CREB5: variants seen among roughly 807,000 people sequenced by gnomAD.
The protein encoded by CREB5 is cAMP responsive element binding protein 5, also known as cyclic AMP-responsive element-binding protein 5.
CREB5 carries 19 observed loss-of-function variants against 57.1 expected under a neutral mutation model. The ratio of observed to expected loss-of-function variants is 0.33; its 90% CI spans 0.23 to 0.49. CREB5 has a LOEUF of 0.49. Among genes scored for constraint, CREB5 ranks in the 20% least tolerant of loss-of-function variants. The pLI is 0.99. For synonymous variants in CREB5, 238 were observed against 238.3 expected (o/e 1.00, Z 0.01); for missense variants, 579 against 671.6 (o/e 0.86, Z 1.52).
chr7:28,527,458 G>A (rs558906851), intron 4 of CREB5, among the ~76,000 whole-genome samples: 1 of 152,252 alleles, frequency 6.6e-6, no homozygotes, highest in East Asian at 1.9e-4. Context: ...CCAGCCTGTG[G>A]CAAGTTCCCA....
chr7:28,722,833 G>A (rs1268895428), intron 6 of CREB5, among the ~76,000 whole-genome samples: 1 of 152,182 alleles, frequency 6.6e-6, no homozygotes, highest in Non-Finnish European at 1.5e-5. Flanking sequence ...GTCACAGGGA[G>A]TAGCCACCAG....
chr7:28,603,946 C>A (rs1335268966), intron 5 of CREB5, among the ~76,000 whole-genome samples: 1 of 152,104 alleles, frequency 6.6e-6, no homozygotes, highest in Non-Finnish European at 1.5e-5. Context: ...AAGGGCAGTG[C>A]TTATGTAAGA....
At chr7:28,642,993 C>CACACACACACACAT (rs1798736939) in intron 5 of CREB5, among the ~76,000 whole-genome samples, 4 of 101,694 alleles carry the variant, frequency 3.9e-5, no homozygotes, top group Non-Finnish European at 8.3e-5. Flanking sequence ...CACATACACA[C>CACACACACACACAT]ACACACACAC....
At chr7:28,410,254 A>C (rs1194395887), upstream of CREB5, 2 of 454,972 alleles carry the variant, frequency 4.4e-6, no homozygotes, top group Admixed American at 4.7e-5. Flanking sequence ...GCTCCAGTCC[A>C]CTCCTCCGGC....
intron 1 of CREB5, among the ~76,000 whole-genome samples, chr7:28,331,918 C>T (rs10242055): frequency 0.2 from 30,292 of 150,956 alleles, 3,358 homozygotes; most frequent in East Asian, 0.3. Context: ...TGTAGTGAGT[C>T]GAATGATGAC....
At chr7:28,549,082 T>A (rs1448698469) in intron 4 of CREB5, among the ~76,000 whole-genome samples, 1 of 152,222 alleles carries the variant, frequency 6.6e-6, no homozygotes, top group Non-Finnish European at 1.5e-5. Context: ...TGTTGGGCTC[T>A]GCACAATTTT....
intron 5 of CREB5, among the ~76,000 whole-genome samples, chr7:28,606,831 T>A (rs1414407130): frequency 6.6e-6 from 1 of 152,218 alleles, no homozygotes; most frequent in East Asian, 1.9e-4. Context: ...AATTTAATTT[T>A]TAATTGACAT....
At chr7:28,418,178 A>C (rs1286781016) in intron 1 of CREB5, among the ~76,000 whole-genome samples, 1 of 152,084 alleles carries the variant, frequency 6.6e-6, no homozygotes, top group Non-Finnish European at 1.5e-5. Context: ...CCTAGACCAG[A>C]TTTTCTCATG....
chr7:28,766,423 G>T (rs1442935408), intron 7 of CREB5, among the ~76,000 whole-genome samples: 2 of 152,168 alleles, frequency 1.3e-5, no homozygotes, highest in Non-Finnish European at 2.9e-5. Context: ...TTTATTTGAG[G>T]TCTGAATGAT....
intron 7 of CREB5, among the ~76,000 whole-genome samples, chr7:28,784,784 G>A (rs758363680): frequency 3.9e-5 from 6 of 152,124 alleles, no homozygotes; most frequent in Non-Finnish European, 8.8e-5. Context: ...GCTTTCTCTC[G>A]CTCAGCCTCT....
chr7:28,487,332 A>C (rs1196350397), intron 1 of CREB5, among the ~76,000 whole-genome samples: 2 of 152,150 alleles, frequency 1.3e-5, no homozygotes, highest in African/African-American at 4.8e-5. Context: ...CTGCCCCAGC[A>C]TCCCAAAGTG....
intron 5 of CREB5, among the ~76,000 whole-genome samples, chr7:28,644,133 G>T (rs1798797863): frequency 6.7e-6 from 1 of 149,332 alleles, no homozygotes; most frequent in Non-Finnish European, 1.5e-5. Flanking sequence ...GGGAGAGAAA[G>T]AAAAAGAAAA....
At position 28,554,696 on chromosome 7, in the gene CREB5, C is replaced by T. The variant is rs148757655; in HGVS notation, c.292-15669C>T. The stretch of plus-strand genomic sequence containing the variant: ...AGGCAGGACAGGGTCCCTTTCCATT[C>T]CACCCTGCTATTCACAAGGTCAGCT... On this transcript the variant is annotated intron_variant, in intron 4 of 10. Coordinates refer to ENST00000357727, the MANE Select transcript of CREB5 (RefSeq NM_182898.4). Among the ~76,000 whole-genome samples the T allele has an allele frequency of 6.3e-3, 962 of 152,350 alleles. 6 individuals are homozygous for T. The highest frequency in any genetic ancestry group is 0.014 in the Middle Eastern group (4 of 294).
intron 1 of CREB5, among the ~76,000 whole-genome samples, chr7:28,419,043 A>G (rs951980310): frequency 6.6e-6 from 1 of 152,250 alleles, no homozygotes; most frequent in Non-Finnish European, 1.5e-5. Flanking sequence ...GTAAATACAT[A>G]AGGATATATT....
At chr7:28,630,397 G>A (rs186115114) in intron 5 of CREB5, among the ~76,000 whole-genome samples, 50 of 152,178 alleles carry the variant, frequency 3.3e-4, no homozygotes, top group Middle Eastern at 3.4e-3. Flanking sequence ...GCAACTTCAG[G>A]AACAATGGGA....
At chr7:28,580,683 C>T (rs182127321) in intron 5 of CREB5, among the ~76,000 whole-genome samples, 2 of 151,616 alleles carry the variant, frequency 1.3e-5, no homozygotes, top group East Asian at 3.9e-4. Context: ...TATATTGGGG[C>T]CACTGCATTC....
At chr7:28,749,100 T>A (rs1463461669) in intron 7 of CREB5, among the ~76,000 whole-genome samples, 1 of 152,194 alleles carries the variant, frequency 6.6e-6, no homozygotes, top group Non-Finnish European at 1.5e-5. Flanking sequence ...TCCTAAGGTG[T>A]ATGCTCCAAC....
At chr7:28,738,396 C>T (rs775311420) in intron 7 of CREB5, among the ~76,000 whole-genome samples, 3 of 152,158 alleles carry the variant, frequency 2.0e-5, no homozygotes, top group Non-Finnish European at 2.9e-5. Context: ...GGTTCGGTCT[C>T]GAGGACATGG....
intron 9 of CREB5, among the ~76,000 whole-genome samples, chr7:28,814,596 C>T (rs1809314241): frequency 6.6e-6 from 1 of 152,136 alleles, no homozygotes; most frequent in Non-Finnish European, 1.5e-5. Flanking sequence ...AAGATGGACT[C>T]TTTCATTGGA....
Sources: allele counts gnomAD v4.1 joint callset (sites outside exome capture counted in the v4.1 genomes callset), GRCh38; gene constraint gnomAD v4.1.1; transcripts MANE v1.5; gene names NCBI Gene and HGNC (gene_info 2026-07-23, HGNC 2026-07-21).